SLC12A3: variants seen among roughly 807,000 people sequenced by gnomAD.
SLC12A3 encodes Na-Cl cotransporter.
A neutral mutation model predicts 121.0 loss-of-function variants in SLC12A3; 104 were observed. The ratio of observed to expected loss-of-function variants is 0.86; its 90% CI spans 0.73 to 1.01. The LOEUF (loss-of-function observed/expected upper bound fraction) is 1.01. SLC12A3 is among the 50% of genes least tolerant of loss of function. The pLI is 0.00. For missense variants in SLC12A3, 1,328 were observed against 1,356.3 expected (o/e 0.98, Z 0.33); for synonymous variants, 536 against 533.4 (o/e 1.00, Z -0.07).
Position 56,913,423 on chromosome 16 carries a change from C to G in SLC12A3, c.*18C>G, listed in dbSNP as rs2289112. 118 of 1,613,402 alleles carry G rather than the reference C, an allele frequency of 7.3e-5. 1 individual carries two copies. In the East Asian group the frequency reaches 2.6e-3, roughly 35 times the overall value. On this transcript the variant is annotated 3_prime_UTR_variant, in exon 26 of 26. Coordinates refer to ENST00000563236, the MANE Select transcript of SLC12A3 (RefSeq NM_001126108.2). ...GCCAGTAACTCCAGGCTTTGACATC[C>G]CTGTCCACAGCTCTGAGTGTGTGGG...
At chr16:56,902,925 C>T (rs1451719165) in intron 24 of SLC12A3, among the ~76,000 whole-genome samples, 4 of 152,138 alleles carry the variant, frequency 2.6e-5, no homozygotes, top group Admixed American at 6.5e-5. Context: ...GCAGGTGGAT[C>T]ACTTGAGGTC....
intron 16 of SLC12A3, 35 bp from the exon 17 acceptor site, chr16:56,886,918 C>T (rs1404475293): frequency 6.2e-7 from 1 of 1,612,610 alleles, no homozygotes; most frequent in East Asian, 2.2e-5. Flanking sequence ...AGGGTGAAGG[C>T]AGCTGGTGAT....
chr16:56,895,342 C>T (rs1464948318), intron 22 of SLC12A3, among the ~76,000 whole-genome samples: 1 of 150,686 alleles, frequency 6.6e-6, no homozygotes, highest in Non-Finnish European at 1.5e-5. Flanking sequence ...GAGGCGTGCG[C>T]TACCATGCCC....
At position 56,894,513 on chromosome 16, in the gene SLC12A3, G is replaced by A. The variant is rs774278391; in HGVS notation, c.2522-18G>A. 40 of 1,578,628 alleles carry A rather than the reference G, an allele frequency of 2.5e-5. 1 individual carries two copies. In the Middle Eastern group the frequency reaches 6.6e-4, roughly 26 times the overall value. On this transcript the variant is annotated intron_variant, in intron 21 of 25. Coordinates refer to ENST00000563236, the MANE Select transcript of SLC12A3 (RefSeq NM_001126108.2). ...TGAGTGTATTCTTGTCATGACTCAC[G>A]GGGACTCTCCTTGCCAGGCCTCACC...
At chr16:56,877,846 G>T (rs541328339) in intron 8 of SLC12A3, among the ~76,000 whole-genome samples, 8 of 152,320 alleles carry the variant, frequency 5.3e-5, no homozygotes, top group African/African-American at 1.9e-4. Flanking sequence ...TCTCCGACCC[G>T]TGATCTTGGT....
intron 11 of SLC12A3, among the ~76,000 whole-genome samples, 187 bp downstream of exon 11, chr16:56,879,836 C>A (rs957854278): frequency 3.9e-5 from 6 of 152,278 alleles, no homozygotes; most frequent in Middle Eastern, 3.4e-3. Context: ...ACTTGACAAA[C>A]ACCTGCAGTC....
chr16:56,904,438 C>T lies in SLC12A3; in HGVS notation c.2900C>T (p.Ser967Phe), dbSNP rs755475785. Residue 967 changes from serine to phenylalanine, a missense_variant, in exon 25 of 26, where the codon TCC (serine) becomes TTC (phenylalanine). Coordinates refer to ENST00000563236, the MANE Select transcript of SLC12A3 (RefSeq NM_001126108.2). The part of the protein sequence containing the change: ...VRLNEIVLDY[S>F]RDAALIVITL... Reference sequence around the variant, plus strand: ...CTGAATGAGATTGTGCTGGATTACTCCCGAGACGCTGCTCTCATCGTCATG... The same window carrying T: ...CTGAATGAGATTGTGCTGGATTACTTCCGAGACGCTGCTCTCATCGTCATG... 5 of 1,613,978 alleles carry T rather than the reference C, an allele frequency of 3.1e-6. No homozygotes were observed. In the East Asian group the frequency reaches 1.1e-4, roughly 36 times the overall value.
intron 12 of SLC12A3, 23 bp from the exon 13 acceptor site, chr16:56,882,373 T>C (rs1388199835): frequency 6.2e-7 from 1 of 1,600,606 alleles, no homozygotes. Flanking sequence ...CAGGCTGTCC[T>C]CTCTCTCCCT....
At chr16:56,881,548 A>G (rs2055240645) in intron 12 of SLC12A3, among the ~76,000 whole-genome samples, 1 of 152,056 alleles carries the variant, frequency 6.6e-6, no homozygotes, top group South Asian at 2.1e-4. Context: ...GACCTGGCAC[A>G]TTGGTGCACG....
In SLC12A3 at chr16:56,870,227, C is replaced by T; in HGVS notation, c.733C>T (p.Leu245=). The T allele has an allele frequency of 1.2e-6, 2 of 1,613,424 alleles. No individual in the cohort carries two copies. Residue 245 remains leucine (L), a synonymous_variant, in exon 5 of 26, where the codon CTG becomes TTG. Transcript: ENST00000563236. ...GGGCTTTGCAGAGACCGTGCGGGAC[C>T]TGCTCCAGGTGAGGCCGGGGGGCTG... ...TVGFAETVRD[L]LQEYGAPIVD... is the part of the protein sequence containing the mutation.
chr16:56,898,809 G>A (rs1196395566), intron 22 of SLC12A3, among the ~76,000 whole-genome samples: 4 of 152,128 alleles, frequency 2.6e-5, no homozygotes, highest in Non-Finnish European at 4.4e-5. Context: ...TTCCTCAGCC[G>A]CTCTAGAATT....
rs766991488 is a variant in SLC12A3, at chr16:56,890,366, T to A, written c.2368+10T>A. On this transcript the variant is annotated intron_variant, in intron 19 of 25. Coordinates refer to ENST00000563236, the MANE Select transcript of SLC12A3 (RefSeq NM_001126108.2). ...ATGATGCAGGCGCACAGTGAGTACA[T>A]GCCCCACCCACTCCCAGAAAGTTCT... The A allele has an allele frequency of 6.2e-7, 1 of 1,611,876 alleles. No individual in the cohort carries two copies. Among genetic ancestry groups the A allele is most frequent in the Non-Finnish European group, 8.5e-7 (1 of 1,177,948 alleles).
chr16:56,886,440 A>C lies in SLC12A3; in HGVS notation c.2002A>C (p.Asn668His), dbSNP rs754917610. 6 of 1,614,012 alleles carry C rather than the reference A, an allele frequency of 3.7e-6. 1 individual carries two copies. The highest frequency in any genetic ancestry group is 4.2e-6 in the Non-Finnish European group (5 of 1,180,002). The change falls in exon 16 of 26, where the codon AAC becomes CAC. Residue 668 changes from asparagine to histidine, a missense_variant. Physicochemically the swap from Asn to His is moderately conservative, Grantham distance 68 (BLOSUM62 1). Transcript: ENST00000563236. ...LVDFVGTFTR[N>H]LSLMICGHVL... ...GGACTTTGTGGGCACCTTCACCCGG[A>C]ACCTCAGCCTGATGATCTGTGGCCA...
At chr16:56,893,985 T>A (rs2055427818) in intron 21 of SLC12A3, among the ~76,000 whole-genome samples, 1 of 121,280 alleles carries the variant, frequency 8.2e-6, no homozygotes. Flanking sequence ...ATTTATTTAT[T>A]TATTTATTTA....
At chr16:56,878,445 TACAGGA>T (rs1239810459) in intron 9 of SLC12A3, among the ~76,000 whole-genome samples, 1 of 151,520 alleles carries the variant, frequency 6.6e-6, no homozygotes, top group Non-Finnish European at 1.5e-5. Context: ...GTGAAGATCC[TACAGGA>T]CAAATCTAGG....
At chr16:56,868,973 CA>C (rs149840877) in intron 3 of SLC12A3, among the ~76,000 whole-genome samples, 14 of 124,298 alleles carry the variant, frequency 1.1e-4, no homozygotes, top group Admixed American at 8.4e-4. Flanking sequence ...AACTCCATCT[CA>C]AAAAAAATAA....
At chr16:56,882,268 G>A (rs1463700329) in intron 12 of SLC12A3, 128 bp from the exon 13 acceptor site, 11 of 767,284 alleles carry the variant, frequency 1.4e-5, no homozygotes, top group Non-Finnish European at 2.1e-5. Flanking sequence ...TTTCACAGAT[G>A]AGAAGGTTGA....
At chr16:56,908,312 T>G (rs186474203) in intron 25 of SLC12A3, among the ~76,000 whole-genome samples, 1 of 151,686 alleles carries the variant, frequency 6.6e-6, no homozygotes, top group African/African-American at 2.4e-5. Context: ...CCCGGCTAAT[T>G]TTTTGTATTT....
At chr16:56,904,800 C>T (rs2055585545) in intron 25 of SLC12A3, 1 of 362,232 alleles carries the variant, frequency 2.8e-6, no homozygotes, top group Non-Finnish European at 5.4e-6. Context: ...GACATCAACT[C>T]CTGGTTGTTC....
Sources: gnomAD v4.1 joint callset for allele counts (sites outside exome capture counted in the v4.1 genomes callset) on GRCh38, gnomAD v4.1.1 for gene constraint, MANE v1.5 for transcripts, NCBI Gene and HGNC (gene_info 2026-07-23, HGNC 2026-07-21) for gene names.